The following ABCA7 variants were observed in gnomAD, a reference collection of about 807,000 sequenced individuals.
ABCA7 encodes the protein ATP binding cassette subfamily A member 7.
In ABCA7, 261 loss-of-function variants were observed where a neutral mutation model predicts 227.6. That is an observed-to-expected ratio of 1.15 (90% confidence interval 1.04 to 1.27). The LOEUF (loss-of-function observed/expected upper bound fraction) is 1.27, where lower values mean the gene tolerates loss of function less well. Ranked by LOEUF, ABCA7 falls within the 50% of genes most tolerant of loss-of-function variation. The pLI is 0.00. For missense variants in ABCA7, 3,331 were observed against 2,924.5 expected (o/e 1.14, Z -3.21); for synonymous variants, 1,488 against 1,279.7 (o/e 1.16, Z -3.47).
Position 1,058,027 on chromosome 19 carries a change from G to A in ABCA7, c.4993G>A (p.Ala1665Thr). The A allele has an allele frequency of 6.2e-7, 1 of 1,614,094 alleles. No homozygotes were observed. Among genetic ancestry groups the A allele is most frequent in the Non-Finnish European group, 8.5e-7 (1 of 1,180,030 alleles). Residue 1665 changes from alanine (A) to threonine (T), a missense_variant, in exon 36 of 47, where the codon GCC becomes ACC. Coordinates refer to ENST00000263094, the MANE Select transcript of ABCA7 (RefSeq NM_019112.4). ...NLFIGINGSM[A>T]TFVLELFSDQ... ...CTTTATTGGCATCAATGGAAGCATG[G>A]CCACCTTTGTGCTTGAGCTCTTCTC...
chr19:1,052,598 A>G (rs111657601), intron 23 of ABCA7, among the ~76,000 whole-genome samples: 94 of 204 alleles, frequency 0.46, 31 homozygotes, highest in Admixed American at 0.5. Context: ...AAGGGGAGGA[A>G]TAGGAGGGGG....
rs1218110439 is a variant in ABCA7, at chr19:1,065,099, T to C, written c.6213T>C (p.Phe2071=). 3 of 1,582,522 alleles carry C rather than the reference T, an allele frequency of 1.9e-6. No homozygotes were observed. Among genetic ancestry groups the C allele is most frequent in the African/African-American group, 2.7e-5 (2 of 74,064 alleles). The change falls in exon 46 of 47, where the codon TTT becomes TTC. Residue 2071 remains phenylalanine (F), a synonymous_variant. Transcript: ENST00000263094. Reference sequence around the variant, plus strand: ...GGCGCTGCGCCCTGGCGCGCGTCTTTGGAGAGCTGGCGGTGCACGGCGCAG... The same window carrying C: ...GGCGCTGCGCCCTGGCGCGCGTCTTCGGAGAGCTGGCGGTGCACGGCGCAG... ...PGGRCALARV[F]GELAVHGAEH...
At chr19:1,051,079 G>GC (rs2041575458) in intron 19 of ABCA7, 27 bp downstream of exon 19, 1 of 1,611,010 alleles carries the variant, frequency 6.2e-7, no homozygotes. Flanking sequence ...CCAGAGTGCA[G>GC]CGGTGGGAAG....
chr19:1,049,033 G>A, intron 17 of ABCA7, 28 bp downstream of exon 17: 8 of 1,374,632 alleles, frequency 5.8e-6, no homozygotes, highest in Non-Finnish European at 8.0e-6. Context: ...TTAATAGCTG[G>A]TTGTCCACAT....
chr19:1,042,528 C>T, intron 6 of ABCA7, 131 bp downstream of exon 6: 1 of 1,233,014 alleles, frequency 8.1e-7, no homozygotes, highest in African/African-American at 1.5e-5. Flanking sequence ...TGCGGTGATG[C>T]TGCTTGTCCG....
chr19:1,055,493 T>G, intron 30 of ABCA7, 142 bp downstream of exon 30: 1 of 876,144 alleles, frequency 1.1e-6, no homozygotes, highest in Non-Finnish European at 1.6e-6. Context: ...CGTACCTTCC[T>G]TTCCTCTTTT....
chr19:1,043,834 T>A lies in ABCA7; in HGVS notation c.1040T>A (p.Met347Lys). ...ATGAACGACAGTTCCAATGTGGCCA[T>A]GCTGCAGGTGTGCGGGGGTGCTGGG... is the stretch of plus-strand genomic sequence containing the variant. ...TFMNDSSNVA[M>K]LQRLLQMQDE... The change falls in exon 10 of 47, where the codon ATG (methionine) becomes AAG (lysine). Residue 347 changes from methionine (M) to lysine (K), a missense_variant. Transcript: ENST00000263094. 1.9e-6 allele frequency: 3 copies of A among 1,603,032 alleles called. No individual in the cohort carries two copies. The highest frequency in any genetic ancestry group is 2.6e-6 in the Non-Finnish European group (3 of 1,173,514).
rs770077565 is a variant in ABCA7, at chr19:1,061,871, T to C, written c.5553T>C (p.Ala1851=). Residue 1851 remains alanine (A), a synonymous_variant, in exon 41 of 47, where the codon GCT becomes GCC. Transcript: ENST00000263094. ...TGDTLASRGE[A]VLAGHSVARE... is the part of the protein sequence containing the mutation. ...ACACATTGGCCAGCAGGGGCGAGGC[T>C]GTGCTGGCAGGCCACAGGTGAGGGG... 15 of 1,596,314 alleles carry C rather than the reference T, an allele frequency of 9.4e-6. No individual in the cohort carries two copies. The highest frequency in any genetic ancestry group is 2.7e-5 in the African/African-American group (2 of 73,304).
At position 1,056,446 on chromosome 19, in the gene ABCA7, C is replaced by A; in HGVS notation, c.4533C>A (p.Thr1511=). ...PGPARHAHSI[T]TLNHPLNLTK... is the part of the protein sequence containing the mutation. ...CGGCCCGCCACGCCCACAGCATCACCACACTCAACCACCCCTTGAACCTCA... is the reference window on the plus strand; with the variant it reads ...CGGCCCGCCACGCCCACAGCATCACAACACTCAACCACCCCTTGAACCTCA... Residue 1511 remains threonine, a synonymous_variant, in exon 33 of 47, where the codon ACC becomes ACA. Coordinates refer to ENST00000263094, the MANE Select transcript of ABCA7 (RefSeq NM_019112.4). The surrounding 1 kb of genome is among the most constrained non-coding windows in gnomAD (Gnocchi z 4.3). 1 of 1,613,710 alleles carries A rather than the reference C, an allele frequency of 6.2e-7. No individual in the cohort carries two copies. Among genetic ancestry groups the A allele is most frequent in the African/African-American group, 1.3e-5 (1 of 75,014 alleles).
Position 1,042,073 on chromosome 19 carries a change from G to C in ABCA7, c.312G>C (p.Arg104=). The C allele has an allele frequency of 6.3e-7, 1 of 1,593,576 alleles. No homozygotes were observed. The highest frequency in any genetic ancestry group is 8.5e-7 in the Non-Finnish European group (1 of 1,176,634). Residue 104 remains arginine (R), a synonymous_variant, in exon 5 of 47, where the codon CGG becomes CGC. Transcript: ENST00000263094. Reference sequence around the variant, plus strand: ...CTCTCTCTGTCCCCAGGGTCTCCCGGCTGCTAGCCGATGCCCGCACTGTGC... The same window carrying C: ...CTCTCTCTGTCCCCAGGGTCTCCCGCCTGCTAGCCGATGCCCGCACTGTGC... ...LSNFNDSLVS[R]LLADARTVLG... is the part of the protein sequence containing the mutation.
intron 41 of ABCA7, 48 bp from the exon 42 acceptor site, chr19:1,062,124 G>A: frequency 6.2e-7 from 1 of 1,600,524 alleles, no homozygotes; most frequent in Non-Finnish European, 8.5e-7. Flanking sequence ...CCACCAGTAT[G>A]GTCAGGGACT....
intron 37 of ABCA7, 123 bp from the exon 38 acceptor site, chr19:1,058,495 C>A: frequency 6.7e-7 from 1 of 1,488,754 alleles, no homozygotes; most frequent in Non-Finnish European, 9.0e-7. Context: ...GCCAATTAGA[C>A]TCCAGCTGAG....
chr19:1,042,382 G>C lies in ABCA7; in HGVS notation c.483G>C (p.Thr161=). Residue 161 remains threonine (T), a synonymous_variant, in exon 6 of 47, where the codon ACG becomes ACC. Coordinates refer to ENST00000263094, the MANE Select transcript of ABCA7 (RefSeq NM_019112.4). The part of the protein sequence containing the change: ...PPMLDVAELL[T]SLLRTESLGL... ...TGCTGGATGTCGCGGAGCTGCTGAC[G>C]TCACTGCTGCGCACGGTAGGGTGTC... 1 of 1,607,986 alleles carries C rather than the reference G, an allele frequency of 6.2e-7. No homozygotes were observed. Among genetic ancestry groups the C allele is most frequent in the Non-Finnish European group, 8.5e-7 (1 of 1,176,018 alleles).
Position 1,065,171 on chromosome 19 carries a change from G to A in ABCA7, c.6285G>A (p.Glu2095=), listed in dbSNP as rs1054780731. The A allele has an allele frequency of 1.8e-5, 29 of 1,594,508 alleles. No homozygotes were observed. Among genetic ancestry groups the A allele is most frequent in the Non-Finnish European group, 2.5e-5 (29 of 1,168,394 alleles). ...CCGTGAGCCAGACGATGCTGGAGGA[G>A]GTGATCACGGCGCCGGGGTCGGGCT... ...DFSVSQTMLE[E]VFLYFSKDQG... The change falls in exon 46 of 47, where the codon GAG becomes GAA. Residue 2095 remains glutamate, a splice_region_variant and synonymous_variant. Transcript: ENST00000263094.
chr19:1,041,013 C>G (rs537999590), intron 1 of ABCA7, among the ~76,000 whole-genome samples: 3 of 152,138 alleles, frequency 2.0e-5, no homozygotes, highest in East Asian at 3.9e-4. Flanking sequence ...TGGGGTGGAG[C>G]CTGGTGACGA....
At chr19:1,044,880 G>A in intron 11 of ABCA7, 122 bp from the exon 12 acceptor site, 1 of 1,468,184 alleles carries the variant, frequency 6.8e-7, no homozygotes, top group Non-Finnish European at 9.1e-7. Context: ...ATCTCAGGAG[G>A]GAGCCGGCCG....
Position 1,050,785 on chromosome 19 carries a change from TAATAATAATAA to T in ABCA7, c.2553-135_2553-125del, listed in dbSNP as rs1261984229. On this transcript the variant is annotated intron_variant, in intron 18 of 46. Transcript: ENST00000263094. ...ACAGAGTGAAACTCCGTCTCAAAAA[TAATAATAATAA>T]TAATAATAATAATAATAATAATAAA... 5 of 92,070 alleles carry T rather than the reference TAATAATAATAA, an allele frequency of 5.4e-5. No individual in the cohort carries two copies. In the Admixed American group the frequency reaches 6.1e-4, roughly 11 times the overall value. 5.7% of individuals were successfully genotyped at this position (92,070 alleles called of 1,614,324 possible).
In ABCA7 at chr19:1,053,782, C is replaced by A; in HGVS notation, c.3424-6C>A. 6.8e-6 allele frequency: 11 copies of A among 1,611,446 alleles called. No individual in the cohort carries two copies. The highest frequency in any genetic ancestry group is 8.5e-6 in the Non-Finnish European group (10 of 1,178,430). On this transcript the variant is annotated splice_region_variant and splice_polypyrimidine_tract_variant and intron_variant, in intron 24 of 46. Coordinates refer to ENST00000263094, the MANE Select transcript of ABCA7 (RefSeq NM_019112.4). The stretch of plus-strand genomic sequence containing the variant: ...CCAGTCTCTGAGCCCCTGCTTGTCT[C>A]CCCAGATCTTCCTGAAGGTGGTGGA...
chr19:1,052,243 C>T lies in ABCA7; in HGVS notation c.3177C>T (p.Asp1059=), dbSNP rs754161507. 4.5e-6 allele frequency: 7 copies of T among 1,560,692 alleles called. No homozygotes were observed. The South Asian group carries it at 7.0e-5, about 16-fold the overall frequency. Residue 1059 remains aspartate (D), a synonymous_variant, in exon 23 of 47, where the codon GAC becomes GAT. Transcript: ENST00000263094. ...KADTDMEGSV[D]TRQEKKNGSQ... is the part of the protein sequence containing the mutation. ...ACACTGACATGGAGGGCAGTGTGGA[C>T]ACCAGGCAGGAAAAGAAGAATGGCA...
Sources: gnomAD v4.1 joint callset for allele counts (sites outside exome capture counted in the v4.1 genomes callset) on GRCh38, gnomAD v4.1.1 for gene constraint, Gnocchi (gnomAD v3.1) non-coding constraint, MANE v1.5 for transcripts, NCBI Gene and HGNC (gene_info 2026-07-23, HGNC 2026-07-21) for gene names.